Variants in DLG2 observed in about 807,000 individuals in gnomAD.
DLG2 encodes disks large homolog 2.
In DLG2, 45 loss-of-function variants were observed where a neutral mutation model predicts 132.5. The ratio of observed to expected loss-of-function variants is 0.34; its 90% CI spans 0.27 to 0.44. The LOEUF (loss-of-function observed/expected upper bound fraction) is 0.44. DLG2 is among the 20% of genes least tolerant of loss of function. The probability of loss-of-function intolerance (pLI) is 1.00; values close to 1 mark genes in which losing one functional copy is unlikely to be tolerated. For missense variants in DLG2, 1,045 were observed against 1,196.9 expected, an observed-to-expected ratio of 0.87 and a Z score of 1.87; for synonymous variants, 424 against 419.6, an observed-to-expected ratio of 1.01 and a Z score of -0.13.
At chr11:83,825,169 ATATTTTT>A (rs1213389927) in intron 17 of DLG2, among the ~76,000 whole-genome samples, 69 of 91,120 alleles carry the variant, frequency 7.6e-4, no homozygotes, top group African/African-American at 2.7e-3. Context: ...ATATATATAT[ATATTTTT>A]TTTTTTTTTT....
At chr11:85,353,690 G>A (rs2083469108) in intron 3 of DLG2, among the ~76,000 whole-genome samples, 1 of 152,128 alleles carries the variant, frequency 6.6e-6, no homozygotes, top group Admixed American at 6.6e-5. Context: ...CCTTTGTAGG[G>A]ACATGGATGA....
chr11:84,350,184 C>CCCA (rs1555518888), intron 7 of DLG2, among the ~76,000 whole-genome samples: 6 of 102,188 alleles, frequency 5.9e-5, no homozygotes, highest in African/African-American at 2.0e-4. Context: ...TCCCCCCCCC[C>CCCA]AAAAAAAAAA....
intron 3 of DLG2, among the ~76,000 whole-genome samples, chr11:85,305,442 G>T (rs935188402): frequency 2.0e-5 from 3 of 152,206 alleles, no homozygotes; most frequent in Non-Finnish European, 4.4e-5. Flanking sequence ...CGGGAAATCT[G>T]CAGCAGTGCT....
chr11:84,833,606 C>T (rs2079320264), intron 6 of DLG2, among the ~76,000 whole-genome samples: 1 of 150,866 alleles, frequency 6.6e-6, no homozygotes, highest in Non-Finnish European at 1.5e-5. Context: ...ACTATCAGCA[C>T]CATAACAACA....
At chr11:83,774,204 T>A (rs1280547563) in intron 18 of DLG2, among the ~76,000 whole-genome samples, 1 of 152,196 alleles carries the variant, frequency 6.6e-6, no homozygotes, top group Non-Finnish European at 1.5e-5. Flanking sequence ...GAAGACATCC[T>A]GTAAGTGCCT....
At chr11:85,458,610 G>A (rs1211539976) in intron 3 of DLG2, among the ~76,000 whole-genome samples, 1 of 152,152 alleles carries the variant, frequency 6.6e-6, no homozygotes, top group Non-Finnish European at 1.5e-5. Context: ...TCTTTTCTGG[G>A]TGTTTTCAGA....
chr11:85,466,979 A>G lies in DLG2; in HGVS notation c.40+131678T>C, dbSNP rs564035426. On this transcript the variant is annotated intron_variant, in intron 3 of 27. Coordinates refer to ENST00000376104, the MANE Select transcript of DLG2 (RefSeq NM_001142699.3). Reference sequence around the variant, plus strand: ...CTTCCATTTGTTTGTATCCTCTTTTATTTCCTTGAGCAGTGGTTTGTAGTT... The same window carrying G: ...CTTCCATTTGTTTGTATCCTCTTTTGTTTCCTTGAGCAGTGGTTTGTAGTT... Among the ~76,000 whole-genome samples the G allele has an allele frequency of 1.7e-3, 259 of 152,038 alleles. 1 individual carries two copies. Among genetic ancestry groups the G allele is most frequent in the African/African-American group, 6.1e-3 (251 of 41,464 alleles).
In DLG2 at chr11:83,962,933, C is replaced by T; in HGVS notation, c.1292G>A (p.Arg431Lys). The T allele has an allele frequency of 6.2e-7, 1 of 1,613,154 alleles. No homozygotes were observed. Among genetic ancestry groups the T allele is most frequent in the Non-Finnish European group, 8.5e-7 (1 of 1,179,284 alleles). ...CATGTGCTTTGGAATTGGTGAGTAC[C>T]TTCCTGGAGAGATGGGTGGCAGGGA... ...KTSLPPISPG[R>K]YSPIPKHMLV... The change falls in exon 14 of 28, where the codon AGG (arginine) becomes AAG (lysine). Residue 431 changes from arginine (R) to lysine (K), a missense_variant. Arg to Lys is a conservative substitution (Grantham distance 26). Transcript: ENST00000376104.
At chr11:85,053,885 T>C (rs1566743761) in intron 6 of DLG2, among the ~76,000 whole-genome samples, 1 of 149,934 alleles carries the variant, frequency 6.7e-6, no homozygotes, top group Non-Finnish European at 1.5e-5. Flanking sequence ...TACAAAAATA[T>C]GGGTCAATTA....
At position 84,079,441 on chromosome 11, in the gene DLG2, G is replaced by T. The variant is rs536923961; in HGVS notation, c.749+19482C>A. The stretch of plus-strand genomic sequence containing the variant: ...TGGGATTATAGGCACCTGCTGCCAT[G>T]CCCAGCTAATTTTTGTATTTTTAGT... On this transcript the variant is annotated intron_variant, in intron 10 of 27. Transcript: ENST00000376104. Among the ~76,000 whole-genome samples, 4 of 152,100 alleles carry T rather than the reference G, an allele frequency of 2.6e-5. No homozygotes were observed. The South Asian group carries it at 8.3e-4, about 32-fold the overall frequency.
intron 4 of DLG2, among the ~76,000 whole-genome samples, chr11:85,237,281 A>C (rs1049682467): frequency 6.6e-6 from 1 of 152,112 alleles, no homozygotes; most frequent in African/African-American, 2.4e-5. Context: ...GGTGGAAATT[A>C]AAATTGTTTT....
At chr11:83,785,062 A>T (rs1032713255) in intron 18 of DLG2, among the ~76,000 whole-genome samples, 1 of 150,018 alleles carries the variant, frequency 6.7e-6, no homozygotes. Flanking sequence ...ATGGATACTT[A>T]TTTTTTTTTT....
intron 18 of DLG2, among the ~76,000 whole-genome samples, chr11:83,691,040 T>G (rs993935037): frequency 1.3e-5 from 2 of 152,172 alleles, no homozygotes; most frequent in African/African-American, 4.8e-5. Context: ...TGGCCCCTTG[T>G]GTATATGACT....
In DLG2 at chr11:84,514,354, A is replaced by G. The variant is rs182234245; in HGVS notation, c.519+20216T>C. On this transcript the variant is annotated intron_variant, in intron 7 of 27. Coordinates refer to ENST00000376104, the MANE Select transcript of DLG2 (RefSeq NM_001142699.3). The stretch of plus-strand genomic sequence containing the variant: ...TCCCACTCCTGGGTATATACCTAAA[A>G]GAAAGGAAATCAGTATATCAAAGGA... Among the ~76,000 whole-genome samples, 436 of 152,204 alleles carry G rather than the reference A, an allele frequency of 2.9e-3. 2 individuals are homozygous for G. The highest frequency in any genetic ancestry group is 0.01 in the African/African-American group (428 of 41,558).
At chr11:83,707,586 G>A (rs1365605159) in intron 18 of DLG2, among the ~76,000 whole-genome samples, 1 of 152,176 alleles carries the variant, frequency 6.6e-6, no homozygotes, top group Non-Finnish European at 1.5e-5. Context: ...CAAGAGAATC[G>A]TTTGAACCTG....
intron 18 of DLG2, among the ~76,000 whole-genome samples, chr11:83,676,024 C>T (rs2077626389): frequency 6.6e-6 from 1 of 152,204 alleles, no homozygotes; most frequent in African/African-American, 2.4e-5. Context: ...TCCTTCCCCA[C>T]CACCATCCCA....
At position 85,498,256 on chromosome 11, in the gene DLG2, C is replaced by CA. The variant is rs552820868; in HGVS notation, c.40+100400dup. ...GAAGATCTACAAAGCAAATGGAAAG[C>CA]AAAAAAAAGCAGGGATTGAAATCCT... is the stretch of plus-strand genomic sequence containing the variant. On this transcript the variant is annotated intron_variant, in intron 3 of 27. Coordinates refer to ENST00000376104, the MANE Select transcript of DLG2 (RefSeq NM_001142699.3). 2.0e-4 allele frequency among the ~76,000 whole-genome samples: 30 copies of CA among 150,964 alleles called. 1 individual carries two copies. The highest frequency in any genetic ancestry group is 4.6e-4 in the African/African-American group (19 of 41,226).
intron 9 of DLG2, among the ~76,000 whole-genome samples, chr11:84,106,841 GTTTGAGTGAGTGTGTGTGTGTA>G (rs2092959070): frequency 1.5e-4 from 18 of 117,066 alleles, no homozygotes; most frequent in South Asian, 5.8e-4. Flanking sequence ...GTGTGTGTGT[GTTTGAGTGAGTGTGTGTGTGTA>G]TGTGTGAGAG....
At chr11:85,218,949 C>A (rs774664769) in intron 4 of DLG2, among the ~76,000 whole-genome samples, 4 of 152,084 alleles carry the variant, frequency 2.6e-5, no homozygotes, top group Non-Finnish European at 4.4e-5. Flanking sequence ...TAGTCCTAAG[C>A]AAATTAACAC....
Sources: allele counts gnomAD v4.1 joint callset (sites outside exome capture counted in the v4.1 genomes callset), GRCh38; gene constraint gnomAD v4.1.1; transcripts MANE v1.5; gene names NCBI Gene and HGNC (gene_info 2026-07-23, HGNC 2026-07-21).